The following TNN variants were observed in gnomAD, a reference collection of about 807,000 sequenced individuals.
TNN encodes tenascin N.
Under a neutral mutation model 134.4 loss-of-function variants are expected in TNN, and 122 were observed. The observed-to-expected ratio is 0.91, with a 90% CI of 0.78 to 1.06. The LOEUF (loss-of-function observed/expected upper bound fraction) is 1.06. Ranked by LOEUF, TNN falls within the 50% of genes least tolerant of loss-of-function variation. TNN has a pLI of 0.00. For missense variants in TNN, 1,739 were observed against 1,699.4 expected (o/e 1.02, Z -0.41); for synonymous variants, 710 against 670.3 (o/e 1.06, Z -0.91).
chr1:175,132,493 T>C (rs1675700598), intron 15 of TNN, among the ~76,000 whole-genome samples: 1 of 152,218 alleles, frequency 6.6e-6, no homozygotes, highest in Non-Finnish European at 1.5e-5. Flanking sequence ...GATGGATACT[T>C]GAGCAAAGGG....
chr1:175,137,022 C>T (rs768221314), intron 17 of TNN, 34 bp downstream of exon 17: 1 of 1,608,048 alleles, frequency 6.2e-7, no homozygotes, highest in Non-Finnish European at 8.5e-7. Context: ...GCGAAGGTCT[C>T]TTGCTGTCTG....
rs762263985 is a variant in TNN, at chr1:175,128,000, A to T, written c.3046-32A>T. ...GTGCTAGTGGGTGATAAACTGAGTC[A>T]CTGGCTGTCTAATCTCTCCCTTGTT... On this transcript the variant is annotated intron_variant, in intron 13 of 18. Transcript: ENST00000239462. 2.5e-6 allele frequency: 4 copies of T among 1,613,716 alleles called. No homozygotes were observed. The African/African-American group carries it at 5.3e-5, about 22-fold the overall frequency.
At chr1:175,075,750 G>A (rs1319424914) in intron 1 of TNN, among the ~76,000 whole-genome samples, 2 of 152,178 alleles carry the variant, frequency 1.3e-5, no homozygotes, top group Non-Finnish European at 1.5e-5. Context: ...GGGGTGACGC[G>A]CTGTCATTCC....
chr1:175,109,789 T>C (rs1335914013), intron 9 of TNN, among the ~76,000 whole-genome samples: 3 of 151,902 alleles, frequency 2.0e-5, no homozygotes, highest in Non-Finnish European at 4.4e-5. Flanking sequence ...GTATTTTGGT[T>C]ATTATGAATA....
chr1:175,105,262 G>T (rs1418348135), intron 9 of TNN, among the ~76,000 whole-genome samples: 1 of 145,970 alleles, frequency 6.9e-6, no homozygotes. Flanking sequence ...GGTCTGCCTT[G>T]ATCTGCTTTA....
chr1:175,118,535 A>G (rs749351843), intron 10 of TNN, 26 bp from the exon 11 acceptor site: 2 of 1,609,464 alleles, frequency 1.2e-6, no homozygotes, highest in East Asian at 2.2e-5. Flanking sequence ...TTCATAGTGC[A>G]TATTGGTCAG....
At position 175,067,857 on chromosome 1, in the gene TNN, C is replaced by A. The variant is rs1420141641; in HGVS notation, c.-114C>A. On this transcript the variant is annotated 5_prime_UTR_variant, in exon 1 of 19. Transcript: ENST00000239462. ...AGAGACGAGAACCAGGGACGACCAGCAAGTACCAAGGTCTGCGGCAGGAGG... is the reference window on the plus strand; with the variant it reads ...AGAGACGAGAACCAGGGACGACCAGAAAGTACCAAGGTCTGCGGCAGGAGG... The A allele has an allele frequency of 2.0e-6, 1 of 500,748 alleles. No homozygotes were observed. The highest frequency in any genetic ancestry group is 5.7e-5 in the East Asian group (1 of 17,494). The allele number at this position is 500,748 out of a possible 1,614,324, so 31.0% of individuals were successfully genotyped here.
chr1:175,142,378 T>A (rs558343910), intron 17 of TNN, among the ~76,000 whole-genome samples: 31 of 152,262 alleles, frequency 2.0e-4, no homozygotes, highest in African/African-American at 7.5e-4. Context: ...TCCAAAAACG[T>A]TTTTGAGAGC....
rs1675828181 is a variant in TNN, at chr1:175,136,977, G to A, written c.3584G>A (p.Arg1195Lys). 1 of 1,613,904 alleles carries A rather than the reference G, an allele frequency of 6.2e-7. No individual in the cohort carries two copies. Among genetic ancestry groups the A allele is most frequent in the Admixed American group, 1.7e-5 (1 of 59,964 alleles). The change falls in exon 17 of 19, where the codon AGA becomes AAA. Residue 1195 changes from arginine (R) to lysine (K), a missense_variant. Physicochemically the swap from Arg to Lys is conservative, Grantham distance 26 (BLOSUM62 2). Transcript: ENST00000239462. The part of the protein sequence containing the change: ...ERYKLTVGKY[R>K]GTAGDALTYH... Reference sequence around the variant, plus strand: ...TATAAGCTGACAGTTGGGAAATACAGAGGCACGGCAGGTGAGAAAAAATGT... The same window carrying A: ...TATAAGCTGACAGTTGGGAAATACAAAGGCACGGCAGGTGAGAAAAAATGT...
Position 175,097,502 on chromosome 1 carries a change from T to G in TNN, c.1674T>G (p.Ile558Met). ...TISWDPVQATIDKYVVRYTSA... is the reference protein window; with the variant it reads ...TISWDPVQATMDKYVVRYTSA... ...CCTGGGACCCGGTACAGGCCACCAT[T>G]GACAAGTACGTGGTGCGCTACACCT... The change falls in exon 8 of 19, where the codon ATT (isoleucine) becomes ATG (methionine). Residue 558 changes from isoleucine to methionine, a missense_variant. Physicochemically the swap from Ile to Met is conservative, Grantham distance 10. Transcript: ENST00000239462. 6.2e-7 allele frequency: 1 copy of G among 1,614,148 alleles called. No individual in the cohort carries two copies. Among genetic ancestry groups the G allele is most frequent in the South Asian group, 1.1e-5 (1 of 91,062 alleles).
At chr1:175,087,313 G>A (rs911078368) in intron 6 of TNN, among the ~76,000 whole-genome samples, 1 of 152,220 alleles carries the variant, frequency 6.6e-6, no homozygotes, top group Non-Finnish European at 1.5e-5. Flanking sequence ...GGAAGAGAAA[G>A]GAGCAGGTAG....
At chr1:175,138,494 C>G (rs1169977918) in intron 17 of TNN, among the ~76,000 whole-genome samples, 2 of 152,068 alleles carry the variant, frequency 1.3e-5, no homozygotes, top group Non-Finnish European at 2.9e-5. Context: ...GGGTAGGCAC[C>G]TACCAGAGTA....
At chr1:175,082,706 G>C (rs1045362597) in intron 4 of TNN, among the ~76,000 whole-genome samples, 1 of 152,142 alleles carries the variant, frequency 6.6e-6, no homozygotes, top group Non-Finnish European at 1.5e-5. Flanking sequence ...ACTAATTCTC[G>C]ATCCTTCATC....
intron 17 of TNN, among the ~76,000 whole-genome samples, 187 bp downstream of exon 17, chr1:175,137,175 C>G (rs1307572964): frequency 6.6e-6 from 1 of 152,160 alleles, no homozygotes; most frequent in East Asian, 1.9e-4. Flanking sequence ...CAATCCTTGA[C>G]CACCATAAAA....
At chr1:175,087,840 G>T (rs542102193) in intron 6 of TNN, among the ~76,000 whole-genome samples, 2 of 152,334 alleles carry the variant, frequency 1.3e-5, no homozygotes, top group African/African-American at 4.8e-5. Context: ...GAAATTGGGG[G>T]TTCTTATGAC....
At chr1:175,081,820 G>C (rs1403162750) in intron 4 of TNN, among the ~76,000 whole-genome samples, 1 of 152,194 alleles carries the variant, frequency 6.6e-6, no homozygotes, top group Admixed American at 6.5e-5. Context: ...TAATTTGGGG[G>C]AAGGTGTAAG....
chr1:175,074,982 C>T (rs765407132), intron 1 of TNN, among the ~76,000 whole-genome samples: 2 of 152,192 alleles, frequency 1.3e-5, no homozygotes, highest in African/African-American at 4.8e-5. Flanking sequence ...GGTTTCCTTA[C>T]CTTTTGAGTG....
At position 175,146,909 on chromosome 1, in the gene TNN, GCTT is replaced by G; in HGVS notation, c.3760-21_3760-19del. On this transcript the variant is annotated intron_variant, in intron 18 of 18. Coordinates refer to ENST00000239462, the MANE Select transcript of TNN (RefSeq NM_022093.2). ...CTCCTAAGAGCCTCTTCTTGATGTG[GCTT>G]TTTTTTTTTTTTTGGTAGGGGGTGA... 9.1e-7 allele frequency: 1 copy of G among 1,094,730 alleles called. No individual in the cohort carries two copies. The highest frequency in any genetic ancestry group is 1.6e-5 in the South Asian group (1 of 64,106). 67.8% of individuals were successfully genotyped at this position (1,094,730 alleles called of 1,614,324 possible).
At position 175,144,244 on chromosome 1, in the gene TNN, T is replaced by C. The variant is rs571575782; in HGVS notation, c.3596-143T>C. ...GTGTCATGTTCCCATTTGGGCTGTT[T>C]TGAGAGAGCGGTGACTACCTGTGAC... On this transcript the variant is annotated intron_variant, in intron 17 of 18. Coordinates refer to ENST00000239462, the MANE Select transcript of TNN (RefSeq NM_022093.2). 6.1e-5 allele frequency: 45 copies of C among 741,726 alleles called. 1 individual carries two copies. The Admixed American group carries it at 9.5e-4, about 16-fold the overall frequency. The allele number at this position is 741,726 out of a possible 1,614,324, so 45.9% of individuals were successfully genotyped here.
Sources: allele counts gnomAD v4.1 joint callset (sites outside exome capture counted in the v4.1 genomes callset), GRCh38; gene constraint gnomAD v4.1.1; transcripts MANE v1.5; gene names NCBI Gene and HGNC (gene_info 2026-07-23, HGNC 2026-07-21).